The following TRMT13 variants were observed in gnomAD, a reference collection of about 807,000 sequenced individuals.
TRMT13 encodes the protein tRNA:m(4)X modification enzyme TRM13 homolog.
Under a neutral mutation model 55.9 loss-of-function variants are expected in TRMT13, and 45 were observed. The observed-to-expected ratio is 0.80, with a 90% CI of 0.63 to 1.03. TRMT13 has a LOEUF of 1.03. Among genes scored for constraint, TRMT13 ranks in the 50% least tolerant of loss-of-function variants. The probability of loss-of-function intolerance (pLI) is 0.00; values close to 1 mark genes in which losing one functional copy is unlikely to be tolerated. For missense variants in TRMT13, 513 were observed against 563.9 expected (o/e 0.91, Z 0.91); for synonymous variants, 183 against 196.3 (o/e 0.93, Z 0.57).
intron 1 of TRMT13, among the ~76,000 whole-genome samples, chr1:100,133,757 G>A (rs751078025): frequency 2.0e-5 from 3 of 152,102 alleles, no homozygotes; most frequent in Non-Finnish European, 4.4e-5. Context: ...TAAAAATTTA[G>A]ACTTGAGGCC....
intron 1 of TRMT13, among the ~76,000 whole-genome samples, chr1:100,133,996 C>A (rs1345375419): frequency 4.6e-5 from 7 of 152,096 alleles, no homozygotes; most frequent in Non-Finnish European, 8.8e-5. Flanking sequence ...CGCTTGAACC[C>A]AGGAGGTGGA....
intron 1 of TRMT13, among the ~76,000 whole-genome samples, chr1:100,136,310 T>C (rs1655859569): frequency 6.6e-6 from 1 of 152,196 alleles, no homozygotes. Flanking sequence ...AAAATCCATA[T>C]GTCAATGGGC....
intron 7 of TRMT13, 181 bp from the exon 8 acceptor site, chr1:100,142,956 C>T: frequency 3.6e-6 from 2 of 553,336 alleles, no homozygotes; most frequent in East Asian, 6.0e-5. Flanking sequence ...AATTGATAAA[C>T]ATTTTCAAAT....
At chr1:100,134,963 C>CAT (rs1264080985) in intron 1 of TRMT13, among the ~76,000 whole-genome samples, 1 of 152,040 alleles carries the variant, frequency 6.6e-6, no homozygotes, top group Non-Finnish European at 1.5e-5. Context: ...TTCTAAGTGT[C>CAT]ATATATAGCT....
At position 100,141,030 on chromosome 1, in the gene TRMT13, C is replaced by T; in HGVS notation, c.669+11C>T. On this transcript the variant is annotated intron_variant, in intron 7 of 10. Coordinates refer to ENST00000370141, the MANE Select transcript of TRMT13 (RefSeq NM_019083.3). ...ACCACAAGATTCAAGGTAAGTGAAA[C>T]CATTGCTCTGTGTTAGTAACCAAAC... 6.2e-7 allele frequency: 1 copy of T among 1,603,390 alleles called. No homozygotes were observed.
chr1:100,148,577 AC>A (rs1478839728), intron 10 of TRMT13, 47 bp from the exon 11 acceptor site: 15 of 1,544,806 alleles, frequency 9.7e-6, no homozygotes, highest in Non-Finnish European at 1.3e-5. Context: ...TTTTTTATAA[AC>A]TTTTGCAAAA....
intron 10 of TRMT13, 87 bp from the exon 11 acceptor site, chr1:100,148,537 CA>C (rs1657585704): frequency 7.9e-7 from 1 of 1,260,026 alleles, no homozygotes; most frequent in Non-Finnish European, 1.1e-6. Flanking sequence ...GGTTAGTTAA[CA>C]GTCTCTCAAT....
intron 5 of TRMT13, 35 bp downstream of exon 5, chr1:100,140,286 T>C: frequency 6.3e-7 from 1 of 1,589,748 alleles, no homozygotes; most frequent in Admixed American, 1.7e-5. Flanking sequence ...TCAATTATTT[T>C]AGAGTAATTA....
At position 100,140,446 on chromosome 1, in the gene TRMT13, C is replaced by A; in HGVS notation, c.433C>A (p.Pro145Thr). 1 of 1,613,960 alleles carries A rather than the reference C, an allele frequency of 6.2e-7. No homozygotes were observed. The highest frequency in any genetic ancestry group is 8.5e-7 in the Non-Finnish European group (1 of 1,179,942). ...ACTTAAAGATCATATTATGTCCCAT[C>A]CAGCATTACACGATGCACTTAATGA... The part of the protein sequence containing the change: ...STLKDHIMSH[P>T]ALHDALNDPK... The change falls in exon 6 of 11, where the codon CCA (proline) becomes ACA (threonine). Residue 145 changes from proline to threonine, a missense_variant. Around this residue, in one of 3 missense-constraint regions of TRMT13, gnomAD observed 298 missense variants for 290.3 expected, o/e 1.03. Transcript: ENST00000370141.
rs114508323 is a variant in TRMT13 at position 100,145,389 on chromosome 1, T to C, written c.817+1246T>C. On this transcript the variant is annotated intron_variant, in intron 9 of 10. Coordinates refer to ENST00000370141, the MANE Select transcript of TRMT13 (RefSeq NM_019083.3). ...GGGAGTACACTCTTTTGACCTACAG[T>C]GGCCATTTCTCATGTTCCACATAAT... Among the ~76,000 whole-genome samples the C allele has an allele frequency of 2.7e-3, 406 of 152,314 alleles. 3 individuals are homozygous for C. The highest frequency in any genetic ancestry group is 9.5e-3 in the African/African-American group (393 of 41,578).
At position 100,148,083 on chromosome 1, in the gene TRMT13, G is replaced by T; in HGVS notation, c.1007G>T (p.Cys336Phe). 1.2e-6 allele frequency: 2 copies of T among 1,614,224 alleles called. No homozygotes were observed. The highest frequency in any genetic ancestry group is 1.7e-6 in the Non-Finnish European group (2 of 1,180,044). ...PVAGIVIALC[C>F]HHRCDWRHYV... ...GCTGGCATTGTTATTGCACTCTGTT[G>T]TCACCACAGGTGTGATTGGAGACAT... The change falls in exon 10 of 11, where the codon TGT becomes TTT. Residue 336 changes from cysteine (C) to phenylalanine (F), a missense_variant. This residue lies in a region of TRMT13 where 209 missense variants were observed against 255.8 expected (regional missense o/e 0.82). Coordinates refer to ENST00000370141, the MANE Select transcript of TRMT13 (RefSeq NM_019083.3).
intron 10 of TRMT13, 133 bp downstream of exon 10, chr1:100,148,459 CAT>C: frequency 1.8e-6 from 2 of 1,108,880 alleles, no homozygotes; most frequent in Non-Finnish European, 2.6e-6. Context: ...AAAATATACA[CAT>C]CTTTTATTGT....
In TRMT13 at chr1:100,135,158, C is replaced by T. The variant is rs140532381; in HGVS notation, c.148-1724C>T. Among the ~76,000 whole-genome samples, 352 of 152,208 alleles carry T rather than the reference C, an allele frequency of 2.3e-3. 1 individual carries two copies. The highest frequency in any genetic ancestry group is 7.6e-3 in the African/African-American group (316 of 41,530). On this transcript the variant is annotated intron_variant, in intron 1 of 10. Coordinates refer to ENST00000370141, the MANE Select transcript of TRMT13 (RefSeq NM_019083.3). The stretch of plus-strand genomic sequence containing the variant: ...TCACAGGACAGCCCCCTGCACTCAC[C>T]CCCTCAAAAGAATTACCTGCCCAAA...
intron 6 of TRMT13, 110 bp from the exon 7 acceptor site, chr1:100,140,741 AC>A: frequency 8.8e-7 from 1 of 1,132,470 alleles, no homozygotes; most frequent in Non-Finnish European, 1.3e-6. Context: ...TAAGTCAAAT[AC>A]AAATTATCAA....
Position 100,141,007 on chromosome 1 carries a change from C to T in TRMT13, c.657C>T (p.Thr219=), listed in dbSNP as rs372108290. ...KVHFILVEKV[T]TRFKVDGKHR... is the part of the protein sequence containing the mutation. ...ACTTCATCCTAGTGGAAAAGGTGAC[C>T]ACAAGATTCAAGGTAAGTGAAACCA... Residue 219 remains threonine, a synonymous_variant, in exon 7 of 11, where the codon ACC becomes ACT. Coordinates refer to ENST00000370141, the MANE Select transcript of TRMT13 (RefSeq NM_019083.3). The T allele has an allele frequency of 5.0e-6, 8 of 1,611,206 alleles. No individual in the cohort carries two copies. The South Asian group carries it at 7.7e-5, about 16-fold the overall frequency.
Position 100,149,468 on chromosome 1 carries a change from AT to A in TRMT13, c.*650del, listed in dbSNP as rs1657735045. ...CAAAGAAAAAAGATTATTTCACTTA[AT>A]TATTTTGTTGGATAATTGTCTAGTT... On this transcript the variant is annotated 3_prime_UTR_variant, in exon 11 of 11. Transcript: ENST00000370141. 5 of 1,526,366 alleles carry A rather than the reference AT, an allele frequency of 3.3e-6. No homozygotes were observed. Among genetic ancestry groups the A allele is most frequent in the Non-Finnish European group, 4.4e-6 (5 of 1,136,756 alleles). 94.6% of individuals were successfully genotyped at this position (1,526,366 alleles called of 1,614,324 possible).
chr1:100,146,732 C>T (rs150207308), intron 9 of TRMT13, among the ~76,000 whole-genome samples: 2,640 of 152,312 alleles, frequency 0.017, 35 homozygotes, highest in Middle Eastern at 0.037. Flanking sequence ...TCTCCATCTC[C>T]TGACCTCGTG....
At chr1:100,147,869 G>A (rs377433448) in intron 9 of TRMT13, 25 bp from the exon 10 acceptor site, 4 of 1,556,768 alleles carry the variant, frequency 2.6e-6, no homozygotes, top group Non-Finnish European at 3.5e-6. Context: ...TGTGGTTTGG[G>A]GGGGCCACAT....
chr1:100,133,377 G>A (rs1268526106), intron 1 of TRMT13, 62 bp downstream of exon 1: 1 of 1,546,978 alleles, frequency 6.5e-7, no homozygotes, highest in African/African-American at 1.4e-5. Flanking sequence ...GTCGGTGCTG[G>A]AACCCGGCCC....
Sources: gnomAD v4.1 joint callset for allele counts (sites outside exome capture counted in the v4.1 genomes callset) on GRCh38, gnomAD v4.1.1 for gene constraint, gnomAD v4.1.1 regional missense constraint, MANE v1.5 for transcripts, NCBI Gene and HGNC (gene_info 2026-07-23, HGNC 2026-07-21) for gene names.